CNTNAP5: variants seen among roughly 807,000 people sequenced by gnomAD.
The protein encoded by CNTNAP5 is contactin associated protein family member 5, also known as contactin-associated protein-like 5.
In CNTNAP5, 72 loss-of-function variants were observed where a neutral mutation model predicts 150.2. That is an observed-to-expected ratio of 0.48 (90% CI 0.40 to 0.58). CNTNAP5 has a LOEUF of 0.58. CNTNAP5 is among the 20% of genes least tolerant of loss of function. The pLI is 0.00. For missense variants in CNTNAP5, 1,636 were observed against 1,626.2 expected (o/e 1.01, Z -0.10); for synonymous variants, 672 against 619.8 (o/e 1.08, Z -1.25).
intron 1 of CNTNAP5, among the ~76,000 whole-genome samples, chr2:124,066,247 C>T (rs1007734732): frequency 5.3e-5 from 8 of 152,166 alleles, no homozygotes; most frequent in Admixed American, 1.3e-4. Context: ...AAACTCTGGA[C>T]TGTTTCTGTT....
chr2:124,362,267 C>G (rs1473591421), intron 3 of CNTNAP5, among the ~76,000 whole-genome samples: 1 of 152,234 alleles, frequency 6.6e-6, no homozygotes, highest in Non-Finnish European at 1.5e-5. Context: ...AATCACCCGT[C>G]TTCTGCGTCG....
At chr2:124,898,980 T>C (rs572262143) in intron 21 of CNTNAP5, among the ~76,000 whole-genome samples, 1 of 151,570 alleles carries the variant, frequency 6.6e-6, no homozygotes, top group Admixed American at 6.6e-5. Flanking sequence ...TGCATCATGG[T>C]GACTGCAGTT....
intron 3 of CNTNAP5, among the ~76,000 whole-genome samples, chr2:124,345,670 A>G (rs557362788): frequency 3.9e-5 from 6 of 152,290 alleles, no homozygotes; most frequent in East Asian, 1.9e-4. Flanking sequence ...TTGGCTGCCA[A>G]ATTTGCTCAT....
intron 3 of CNTNAP5, among the ~76,000 whole-genome samples, chr2:124,290,103 G>A (rs148229580): frequency 2.0e-4 from 31 of 152,152 alleles, no homozygotes; most frequent in African/African-American, 7.2e-4. Context: ...CTTCCCCTTG[G>A]AACTGCTGTG....
chr2:124,612,527 A>G (rs1398323025), intron 12 of CNTNAP5, among the ~76,000 whole-genome samples: 3 of 152,082 alleles, frequency 2.0e-5, no homozygotes, highest in Non-Finnish European at 4.4e-5. Context: ...GCCTTCTCCC[A>G]GGGTTTATGT....
intron 8 of CNTNAP5, among the ~76,000 whole-genome samples, chr2:124,517,917 G>A (rs1694764910): frequency 6.6e-6 from 1 of 151,534 alleles, no homozygotes; most frequent in South Asian, 2.1e-4. Flanking sequence ...AAGAGGGGTT[G>A]TGGTGTTGGT....
rs10084356 is a variant in CNTNAP5 at position 124,631,304 on chromosome 2, A to G, written c.1877-16454A>G. Among the ~76,000 whole-genome samples the G allele has an allele frequency of 8.7e-3, 1,326 of 152,348 alleles. 11 individuals carry two copies. Among genetic ancestry groups the G allele is most frequent in the Middle Eastern group, 0.034 (10 of 294 alleles). On this transcript the variant is annotated intron_variant, in intron 12 of 23. Transcript: ENST00000682447. ...CAAAAAGAACAAAGCTGGAGGTATC[A>G]TGCTATATAACTTCAAACTATACTA...
At chr2:124,398,409 G>A (rs189843565) in intron 3 of CNTNAP5, among the ~76,000 whole-genome samples, 45 of 152,256 alleles carry the variant, frequency 3.0e-4, no homozygotes, top group Non-Finnish European at 4.1e-4. Context: ...AGGAGAACAC[G>A]GAAAGGAGAG....
At chr2:124,063,130 G>A (rs1213942) in intron 1 of CNTNAP5, among the ~76,000 whole-genome samples, 38,916 of 151,910 alleles carry the variant, frequency 0.26, 5,158 homozygotes, top group South Asian at 0.32. Context: ...AGTAAAATCT[G>A]TTTTGTTTTT....
chr2:124,804,477 C>T (rs1682039499), intron 19 of CNTNAP5, among the ~76,000 whole-genome samples: 2 of 152,176 alleles, frequency 1.3e-5, no homozygotes, highest in Non-Finnish European at 2.9e-5. Flanking sequence ...ACCCCCTTCC[C>T]AAAATCCATG....
chr2:124,873,465 T>C (rs1558808952), intron 21 of CNTNAP5, among the ~76,000 whole-genome samples: 1 of 152,134 alleles, frequency 6.6e-6, no homozygotes, highest in Non-Finnish European at 1.5e-5. Flanking sequence ...ATCTGCTCAC[T>C]GGGCTGCCTT....
At chr2:124,616,583 T>A (rs1047256088) in intron 12 of CNTNAP5, among the ~76,000 whole-genome samples, 8 of 152,240 alleles carry the variant, frequency 5.3e-5, no homozygotes, top group Non-Finnish European at 1.0e-4. Flanking sequence ...AGCATTTTAA[T>A]TTTCTTCAAG....
chr2:124,470,056 A>C (rs1693471465), intron 6 of CNTNAP5, among the ~76,000 whole-genome samples: 1 of 152,170 alleles, frequency 6.6e-6, no homozygotes, highest in African/African-American at 2.4e-5. Context: ...GTATCTTTAT[A>C]ATAGAATGAT....
At chr2:124,742,595 T>G (rs546241994) in intron 13 of CNTNAP5, among the ~76,000 whole-genome samples, 1 of 151,572 alleles carries the variant, frequency 6.6e-6, no homozygotes, top group Admixed American at 6.6e-5. Flanking sequence ...TTTATAGATA[T>G]AGATATATAT....
At chr2:124,874,396 T>C (rs1677811864) in intron 21 of CNTNAP5, among the ~76,000 whole-genome samples, 1 of 152,124 alleles carries the variant, frequency 6.6e-6, no homozygotes, top group Non-Finnish European at 1.5e-5. Flanking sequence ...CATAGTGTGC[T>C]TTATCACTGT....
intron 3 of CNTNAP5, among the ~76,000 whole-genome samples, chr2:124,249,118 G>A (rs1253679428): frequency 1.3e-5 from 2 of 152,104 alleles, no homozygotes; most frequent in African/African-American, 4.8e-5. Context: ...GGTCTGTGGA[G>A]TCATGCCCTA....
intron 13 of CNTNAP5, among the ~76,000 whole-genome samples, chr2:124,738,279 G>A (rs1404531706): frequency 6.6e-6 from 1 of 152,240 alleles, no homozygotes; most frequent in East Asian, 1.9e-4. Context: ...TAATGCTTTT[G>A]TCGTATCAGG....
At chr2:124,707,092 G>T (rs1438681920) in intron 13 of CNTNAP5, among the ~76,000 whole-genome samples, 2 of 131,644 alleles carry the variant, frequency 1.5e-5, no homozygotes, top group African/African-American at 5.9e-5. Flanking sequence ...AGAGGAAGAA[G>T]AAGAAGAGGA....
chr2:124,139,308 A>C (rs1684049925), intron 1 of CNTNAP5, among the ~76,000 whole-genome samples: 1 of 151,946 alleles, frequency 6.6e-6, no homozygotes, highest in Admixed American at 6.6e-5. Context: ...CTGTTTCAAG[A>C]GACAAAAAAG....
Sources: allele counts gnomAD v4.1 joint callset (sites outside exome capture counted in the v4.1 genomes callset), GRCh38; gene constraint gnomAD v4.1.1; transcripts MANE v1.5; gene names NCBI Gene and HGNC (gene_info 2026-07-23, HGNC 2026-07-21).